COG6: variants seen among roughly 807,000 people sequenced by gnomAD.
COG6 encodes component of oligomeric golgi complex 6, also known as conserved oligomeric Golgi complex subunit 6.
COG6 carries 74 observed loss-of-function variants against 88.8 expected under a neutral mutation model. That is an observed-to-expected ratio of 0.83 (90% CI 0.69 to 1.01). The LOEUF is 1.01. Ranked by LOEUF, COG6 falls within the 50% of genes least tolerant of loss-of-function variation. The pLI, the probability that COG6 is intolerant of heterozygous loss-of-function variation, is 0.00. For synonymous variants in COG6, 286 were observed against 278.7 expected (o/e 1.03, Z -0.26); for missense variants, 800 against 797.9 (o/e 1.00, Z -0.03).
intron 15 of COG6, among the ~76,000 whole-genome samples, chr13:39,720,350 A>G (rs965403007): frequency 5.3e-5 from 8 of 152,062 alleles, no homozygotes; most frequent in African/African-American, 1.9e-4. Context: ...AAGAGAGTAT[A>G]TGATGACTAA....
At chr13:39,723,250 C>G (rs987365389) in intron 15 of COG6, 83 bp from the exon 16 acceptor site, 4 of 810,378 alleles carry the variant, frequency 4.9e-6, no homozygotes, top group East Asian at 2.5e-5. Context: ...TGTGCCTCAT[C>G]ATCAGTGCCA....
At chr13:39,746,207 A>C (rs1405303234) in intron 18 of COG6, among the ~76,000 whole-genome samples, 2 of 151,810 alleles carry the variant, frequency 1.3e-5, no homozygotes, top group South Asian at 4.2e-4. Context: ...TGTTGTGCAC[A>C]TGTACCCTAG....
intron 4 of COG6, among the ~76,000 whole-genome samples, chr13:39,676,117 A>G (rs1593416912): frequency 6.6e-6 from 1 of 152,216 alleles, no homozygotes; most frequent in Admixed American, 6.5e-5. Context: ...GTAATAGAAC[A>G]GTAGAACTTA....
At chr13:39,763,144 A>T (rs944534033) in intron 18 of COG6, among the ~76,000 whole-genome samples, 8 of 151,788 alleles carry the variant, frequency 5.3e-5, no homozygotes, top group African/African-American at 1.9e-4. Flanking sequence ...AGTTGATCAT[A>T]TTATTTTCCC....
rs139242464 is a variant in COG6 at position 39,788,570 on chromosome 13, G to A, written c.*214G>A. 84 of 574,884 alleles carry A rather than the reference G, an allele frequency of 1.5e-4. No homozygotes were observed. In the Middle Eastern group the frequency reaches 1.9e-3, roughly 13 times the overall value. The allele number at this position is 574,884 out of a possible 1,614,324, so 35.6% of individuals were successfully genotyped here. ...TCAGATTTACTCTTCAGAATAATGC[G>A]GATCATAATACGCACACACACAGCA... On this transcript the variant is annotated 3_prime_UTR_variant, in exon 19 of 19. Coordinates refer to the COG6 transcript ENST00000416691.
In COG6 at chr13:39,669,557, A is replaced by G. The variant is rs556158908; in HGVS notation, c.428+4403A>G. ...CCTTTTTGTATTTGCAGTGCCTGCT[A>G]TTTTACAGATTCAATAAATAATTTT... On this transcript the variant is annotated intron_variant, in intron 4 of 18. Transcript: ENST00000455146. Among the ~76,000 whole-genome samples the G allele has an allele frequency of 5.3e-5, 8 of 152,326 alleles. No individual in the cohort carries two copies. The East Asian group carries it at 1.5e-3, about 29-fold the overall frequency.
intron 13 of COG6, among the ~76,000 whole-genome samples, chr13:39,706,758 A>C (rs1043056567): frequency 2.0e-5 from 3 of 151,438 alleles, no homozygotes; most frequent in Non-Finnish European, 4.4e-5. Context: ...ATCTCGGCTC[A>C]CTGCAACCTC....
intron 18 of COG6, among the ~76,000 whole-genome samples, chr13:39,763,133 A>C (rs1881072027): frequency 1.3e-5 from 2 of 151,788 alleles, no homozygotes; most frequent in African/African-American, 2.4e-5. Context: ...AAATAAGCCT[A>C]AGTTGATCAT....
chr13:39,768,690 A>C (rs1242003877), intron 18 of COG6, among the ~76,000 whole-genome samples: 1 of 152,100 alleles, frequency 6.6e-6, no homozygotes, highest in Admixed American at 6.6e-5. Context: ...TTTCATAAGA[A>C]AGTTGTAATT....
At chr13:39,780,288 T>G (rs1881591509) in intron 18 of COG6, among the ~76,000 whole-genome samples, 1 of 152,190 alleles carries the variant, frequency 6.6e-6, no homozygotes, top group Non-Finnish European at 1.5e-5. Context: ...AAATTAAATT[T>G]AAATGTTCAG....
intron 4 of COG6, among the ~76,000 whole-genome samples, chr13:39,672,645 A>G (rs1033262454): frequency 9.2e-5 from 14 of 152,142 alleles, no homozygotes; most frequent in African/African-American, 3.4e-4. Flanking sequence ...CCCGCTCACT[A>G]GTTGATAGAC....
chr13:39,767,382 G>A (rs896249040), intron 18 of COG6, among the ~76,000 whole-genome samples: 1 of 151,912 alleles, frequency 6.6e-6, no homozygotes, highest in African/African-American at 2.4e-5. Context: ...GGGATAATGA[G>A]AGTTTTAGGT....
rs1880629922 is a variant in COG6, at chr13:39,751,478, A to C, written c.*385A>C. On this transcript the variant is annotated 3_prime_UTR_variant, in exon 19 of 19. Transcript: ENST00000455146. ...ATTTAATAATTAGTATAAGGATATG[A>C]CCTAATAAATGTCTCCTTACCTAAA... 8.0e-7 allele frequency: 1 copy of C among 1,251,020 alleles called. No individual in the cohort carries two copies. The highest frequency in any genetic ancestry group is 2.3e-5 in the Admixed American group (1 of 43,548). The allele number at this position is 1,251,020 out of a possible 1,614,324, so 77.5% of individuals were successfully genotyped here.
At chr13:39,763,650 G>A (rs1039963386) in intron 18 of COG6, among the ~76,000 whole-genome samples, 8 of 151,668 alleles carry the variant, frequency 5.3e-5, no homozygotes, top group African/African-American at 1.9e-4. Flanking sequence ...ATGTGGTTGG[G>A]ATTACTTTGA....
chr13:39,754,157 C>G (rs932524712), downstream of COG6, among the ~76,000 whole-genome samples: 1 of 152,126 alleles, frequency 6.6e-6, no homozygotes, highest in Non-Finnish European at 1.5e-5. Context: ...TTCCCTGGCT[C>G]TTTTGCCTCT....
At chr13:39,697,570 T>C (rs1274689331) in intron 12 of COG6, among the ~76,000 whole-genome samples, 2 of 152,004 alleles carry the variant, frequency 1.3e-5, no homozygotes, top group South Asian at 2.1e-4. Context: ...TATGCCCTTA[T>C]CACTATTTTG....
chr13:39,719,409 C>G, intron 14 of COG6, 42 bp downstream of exon 14: 1 of 1,579,230 alleles, frequency 6.3e-7, no homozygotes. Context: ...TTTTGCTCTT[C>G]TATTGTACAC....
Position 39,677,527 on chromosome 13 carries a change from C to T in COG6, c.488C>T (p.Thr163Ile). 2 of 1,613,418 alleles carry T rather than the reference C, an allele frequency of 1.2e-6. No homozygotes were observed. Among genetic ancestry groups the T allele is most frequent in the South Asian group, 1.1e-5 (1 of 91,070 alleles). The change falls in exon 5 of 19, where the codon ACT (threonine) becomes ATT (isoleucine). Residue 163 changes from threonine (T) to isoleucine (I), a missense_variant. Coordinates refer to ENST00000455146, the MANE Select transcript of COG6 (RefSeq NM_020751.3). ...ADAFLSKFQL[T>I]SDEMSLLRGT... is the part of the protein sequence containing the mutation. ...GCCTTCTTATCCAAGTTCCAACTGA[C>T]TTCTGATGAAATGAGTCTTCTCCGA...
chr13:39,686,200 T>A (rs1876628700), intron 8 of COG6, among the ~76,000 whole-genome samples: 1 of 152,220 alleles, frequency 6.6e-6, no homozygotes, highest in Admixed American at 6.5e-5. Context: ...TAAAATTTAG[T>A]ATGGTAGAAT....
Sources: allele counts gnomAD v4.1 joint callset (sites outside exome capture counted in the v4.1 genomes callset), GRCh38; gene constraint gnomAD v4.1.1; transcripts MANE v1.5; gene names NCBI Gene and HGNC (gene_info 2026-07-23, HGNC 2026-07-21).